Variants in ANKK1 observed in about 807,000 individuals in gnomAD.
ANKK1 encodes the protein ankyrin repeat and kinase domain containing 1.
ANKK1 carries 37 observed loss-of-function variants against 37.6 expected under a neutral mutation model. That is an observed-to-expected ratio of 0.98 (90% CI 0.76 to 1.29). The LOEUF (loss-of-function observed/expected upper bound fraction) is 1.29. Among genes scored for constraint, ANKK1 ranks in the 50% most tolerant of loss-of-function variants. The probability of loss-of-function intolerance (pLI) is 0.00; values close to 1 mark genes in which losing one functional copy is unlikely to be tolerated. For missense variants in ANKK1, 1,019 were observed against 990.6 expected, an observed-to-expected ratio of 1.03 and a Z score of -0.39; for synonymous variants, 415 against 418.7, an observed-to-expected ratio of 0.99 and a Z score of 0.11.
Position 113,400,072 on chromosome 11 carries a change from C to A in ANKK1, c.2103C>A (p.Leu701=). The part of the protein sequence containing the change: ...VGWTPAHLAA[L]KGNTAILKVL... ...GGACACCCGCCCACCTGGCCGCCCT[C>A]AAGGGCAACACAGCCATCCTCAAAG... Residue 701 remains leucine (L), a synonymous_variant, in exon 8 of 8, where the codon CTC becomes CTA. Transcript: ENST00000303941. The A allele has an allele frequency of 6.2e-7, 1 of 1,613,474 alleles. No individual in the cohort carries two copies. Among genetic ancestry groups the A allele is most frequent in the Non-Finnish European group, 8.5e-7 (1 of 1,179,806 alleles).
In ANKK1 at chr11:113,399,475, C is replaced by T. The variant is rs1378058064; in HGVS notation, c.1506C>T (p.Ala502=). The T allele has an allele frequency of 6.3e-7, 1 of 1,592,230 alleles. No individual in the cohort carries two copies. The highest frequency in any genetic ancestry group is 2.3e-5 in the East Asian group (1 of 43,842). Residue 502 remains alanine (A), a synonymous_variant, in exon 8 of 8, where the codon GCC becomes GCT. Coordinates refer to ENST00000303941, the MANE Select transcript of ANKK1 (RefSeq NM_178510.2). ...GCAAGACCCCCCTCCATGTGGCCGCCTACTTTGGCCATGTTAGCCTGGTCA... is the reference window on the plus strand; with the variant it reads ...GCAAGACCCCCCTCCATGTGGCCGCTTACTTTGGCCATGTTAGCCTGGTCA... ...AEGKTPLHVA[A]YFGHVSLVKL...
In ANKK1 at chr11:113,399,294, G is replaced by T; in HGVS notation, c.1325G>T (p.Gly442Val). Residue 442 changes from glycine (G) to valine (V), a missense_variant, in exon 8 of 8, where the codon GGC becomes GTC. Physicochemically the swap from Gly to Val is moderately radical, Grantham distance 109. Coordinates refer to ENST00000303941, the MANE Select transcript of ANKK1 (RefSeq NM_178510.2). ...TTTGCAGCCCAGAATGGGGATGACG[G>T]CACTGCGCGCCTGCTCCTGGACCAC... ...LHFAAQNGDD[G>V]TARLLLDHGA... 6.2e-7 allele frequency: 1 copy of T among 1,600,946 alleles called. No homozygotes were observed. Among genetic ancestry groups the T allele is most frequent in the Non-Finnish European group, 8.5e-7 (1 of 1,174,158 alleles).
chr11:113,396,369 G>C, intron 5 of ANKK1, 147 bp downstream of exon 5: 1 of 965,774 alleles, frequency 1.0e-6, no homozygotes, highest in Admixed American at 2.9e-5. Flanking sequence ...TCAGAGACAC[G>C]GTCTCTCTGG....
chr11:113,394,852 G>T, intron 2 of ANKK1, 77 bp from the exon 3 acceptor site: 1 of 1,563,482 alleles, frequency 6.4e-7, no homozygotes, highest in South Asian at 1.2e-5. Flanking sequence ...CAGATAGCAG[G>T]AGGGGTGAGA....
chr11:113,399,061 C>T lies in ANKK1; in HGVS notation c.1092C>T (p.Thr364=). The T allele has an allele frequency of 6.2e-7, 1 of 1,603,476 alleles. No individual in the cohort carries two copies. Among genetic ancestry groups the T allele is most frequent in the Non-Finnish European group, 8.5e-7 (1 of 1,175,012 alleles). The change falls in exon 8 of 8, where the codon ACC becomes ACT. Residue 364 remains threonine, a synonymous_variant. Coordinates refer to ENST00000303941, the MANE Select transcript of ANKK1 (RefSeq NM_178510.2). ...TGTGTATCTATGAGAACAAGGTCAC[C>T]CCCCTCCACTTCCTGGTGGCCCAGG... ...EELCIYENKV[T]PLHFLVAQGS...
chr11:113,398,306 C>T (rs1266275804), intron 7 of ANKK1, among the ~76,000 whole-genome samples: 3 of 116,442 alleles, frequency 2.6e-5, no homozygotes, highest in Non-Finnish European at 5.6e-5. Context: ...TAGAATTGCT[C>T]GGGAAATTAA....
intron 1 of ANKK1, among the ~76,000 whole-genome samples, chr11:113,389,080 C>T (rs1419542636): frequency 1.3e-5 from 2 of 152,174 alleles, no homozygotes; most frequent in Admixed American, 1.3e-4. Context: ...AATAAGATCG[C>T]CTAAGGCCCA....
chr11:113,395,200 G>C, intron 3 of ANKK1, 120 bp downstream of exon 3: 1 of 1,494,572 alleles, frequency 6.7e-7, no homozygotes, highest in Non-Finnish European at 9.0e-7. Context: ...GCCCAAGGCG[G>C]AGGACTCTGG....
intron 5 of ANKK1, 39 bp downstream of exon 5, chr11:113,396,261 G>A: frequency 6.2e-7 from 1 of 1,606,538 alleles, no homozygotes; most frequent in Non-Finnish European, 8.5e-7. Flanking sequence ...ACTGGGAGCT[G>A]GGTGGGGCCG....
Position 113,395,023 on chromosome 11 carries a change from C to A in ANKK1, c.575C>A (p.Pro192His). 3 of 1,613,458 alleles carry A rather than the reference C, an allele frequency of 1.9e-6. No homozygotes were observed. The highest frequency in any genetic ancestry group is 2.5e-6 in the Non-Finnish European group (3 of 1,179,690). The change falls in exon 3 of 8, where the codon CCC (proline) becomes CAC (histidine). Residue 192 changes from proline to histidine, a missense_variant. Coordinates refer to ENST00000303941, the MANE Select transcript of ANKK1 (RefSeq NM_178510.2). Reference protein sequence around the residue: ...SALRGMLSYIPPEMFLESNKA... With the variant: ...SALRGMLSYIHPEMFLESNKA... The stretch of plus-strand genomic sequence containing the variant: ...CTGCGGGGCATGCTCAGCTACATCC[C>A]CCCTGAGATGTTCCTGGAGAGTAAC...
chr11:113,397,433 T>C (rs1950648541), intron 6 of ANKK1, 91 bp downstream of exon 6: 1 of 1,100,416 alleles, frequency 9.1e-7, no homozygotes, highest in Admixed American at 2.2e-5. Context: ...CACTGAGCAC[T>C]CATGCACAGC....
chr11:113,397,464 TC>T, intron 6 of ANKK1, 122 bp downstream of exon 6: 1 of 734,590 alleles, frequency 1.4e-6, no homozygotes, highest in Non-Finnish European at 2.2e-6. Flanking sequence ...GCCACCTCCA[TC>T]CAGAGGGGAC....
At chr11:113,398,222 T>C (rs1950655178) in intron 7 of ANKK1, among the ~76,000 whole-genome samples, 1 of 151,770 alleles carries the variant, frequency 6.6e-6, no homozygotes, top group South Asian at 2.1e-4. Flanking sequence ...TTCAAGTCTG[T>C]GTCCTTGCAA....
intron 7 of ANKK1, among the ~76,000 whole-genome samples, chr11:113,398,695 A>T (rs887112628): frequency 6.6e-6 from 1 of 152,132 alleles, no homozygotes; most frequent in African/African-American, 2.4e-5. Context: ...GAGTGAAATC[A>T]GGATTTGCAC....
In ANKK1 at chr11:113,396,148, G is replaced by A; in HGVS notation, c.764G>A (p.Ser255Asn). The A allele has an allele frequency of 6.2e-7, 1 of 1,614,010 alleles. No individual in the cohort carries two copies. Among genetic ancestry groups the A allele is most frequent in the Non-Finnish European group, 8.5e-7 (1 of 1,179,908 alleles). The part of the protein sequence containing the change: ...SLQPVSDQWP[S>N]EAQQMVDLMK... ...CAGCCTGTCTCTGACCAATGGCCAA[G>A]CGAGGCCCAGCAGATGGTGGACCTG... The change falls in exon 5 of 8, where the codon AGC (serine) becomes AAC (asparagine). Residue 255 changes from serine to asparagine, a missense_variant. By Grantham distance (46) the Ser-to-Asn change is conservative. Coordinates refer to ENST00000303941, the MANE Select transcript of ANKK1 (RefSeq NM_178510.2).
At position 113,393,495 on chromosome 11, in the gene ANKK1, A is replaced by G. The variant is rs747828811; in HGVS notation, c.200A>G (p.Tyr67Cys). ...CCTCTCCATAGCTCTGATGTGAATTACCTCATTGAAGAAGCTGCCAAAATG... is the reference window on the plus strand; with the variant it reads ...CCTCTCCATAGCTCTGATGTGAATTGCCTCATTGAAGAAGCTGCCAAAATG... ...PPDAASSDVNYLIEEAAKMKK... is the reference protein window; with the variant it reads ...PPDAASSDVNCLIEEAAKMKK... Residue 67 changes from tyrosine (Y) to cysteine (C), a missense_variant, in exon 2 of 8, where the codon TAC becomes TGC. Tyr to Cys is a radical substitution (Grantham distance 194). Coordinates refer to ENST00000303941, the MANE Select transcript of ANKK1 (RefSeq NM_178510.2). The G allele has an allele frequency of 6.2e-6, 10 of 1,613,336 alleles. No individual in the cohort carries two copies. In the Admixed American group the frequency reaches 1.5e-4, roughly 24 times the overall value.
intron 1 of ANKK1, among the ~76,000 whole-genome samples, chr11:113,392,445 G>GT (rs901432725): frequency 6.6e-6 from 1 of 152,218 alleles, no homozygotes; most frequent in African/African-American, 2.4e-5. Flanking sequence ...AGAGCATGTG[G>GT]TTTTTCCTGA....
At chr11:113,388,199 A>C in intron 1 of ANKK1, 130 bp downstream of exon 1, 1 of 1,238,102 alleles carries the variant, frequency 8.1e-7, no homozygotes, top group South Asian at 1.8e-5. Context: ...GGTATTTCTG[A>C]ATTCCACCCA....
Position 113,400,036 on chromosome 11 carries a change from C to G in ANKK1, c.2067C>G (p.Asn689Lys). 6.2e-7 allele frequency: 1 copy of G among 1,613,394 alleles called. No individual in the cohort carries two copies. The highest frequency in any genetic ancestry group is 8.5e-7 in the Non-Finnish European group (1 of 1,179,778). ...LEHHANVHAR[N>K]KVGWTPAHLA... The stretch of plus-strand genomic sequence containing the variant: ...ATCACGCAAATGTCCACGCCCGCAA[C>G]AAGGTGGGCTGGACACCCGCCCACC... The change falls in exon 8 of 8, where the codon AAC (asparagine) becomes AAG (lysine). Residue 689 changes from asparagine to lysine, a missense_variant. By Grantham distance (94) the Asn-to-Lys change is moderately conservative. Coordinates refer to ENST00000303941, the MANE Select transcript of ANKK1 (RefSeq NM_178510.2).
Sources: gnomAD v4.1 joint callset for allele counts (sites outside exome capture counted in the v4.1 genomes callset) on GRCh38, gnomAD v4.1.1 for gene constraint, MANE v1.5 for transcripts, NCBI Gene and HGNC (gene_info 2026-07-23, HGNC 2026-07-21) for gene names.